Variants in CYP2A7 observed in about 807,000 individuals in gnomAD.
CYP2A7 encodes cytochrome P450 family 2 subfamily A member 7, also known as cytochrome P450 2A7.
A neutral mutation model predicts 42.0 loss-of-function variants in CYP2A7; 36 were observed. The ratio of observed to expected loss-of-function variants is 0.86; its 90% confidence interval spans 0.66 to 1.13. The LOEUF (loss-of-function observed/expected upper bound fraction) is 1.13. Among genes scored for constraint, CYP2A7 ranks in the 50% most tolerant of loss-of-function variants. CYP2A7 has a pLI of 0.00. For synonymous variants in CYP2A7, 260 were observed against 249.5 expected (o/e 1.04, Z -0.40); for missense variants, 661 against 634.1 (o/e 1.04, Z -0.46).
chr19:40,881,564 T>G, intron 2 of CYP2A7, 25 bp downstream of exon 2: 1 of 1,610,746 alleles, frequency 6.2e-7, no homozygotes, highest in Non-Finnish European at 8.5e-7. Flanking sequence ...CCTGGCCACC[T>G]TCCCCATCTT....
At chr19:40,881,830 G>A in intron 1 of CYP2A7, 79 bp from the exon 2 acceptor site, 10 of 1,573,544 alleles carry the variant, frequency 6.4e-6, no homozygotes, top group Non-Finnish European at 8.6e-6. Context: ...GTCAAGTACT[G>A]GGATCCTTCA....
chr19:40,881,985 T>A (rs373514004), intron 1 of CYP2A7, 46 bp downstream of exon 1: 54 of 1,585,528 alleles, frequency 3.4e-5, no homozygotes, highest in Non-Finnish European at 4.5e-5. Context: ...CCCAGCCAAC[T>A]AGGCAGCCCC....
chr19:40,878,662 C>T (rs1967590018), intron 5 of CYP2A7, 98 bp downstream of exon 5: 6 of 1,502,298 alleles, frequency 4.0e-6, no homozygotes, highest in Non-Finnish European at 3.6e-6. Flanking sequence ...ATGATGAGGG[C>T]TAATTTGAAC....
chr19:40,880,412 C>A (rs1323739461), intron 3 of CYP2A7, 67 bp downstream of exon 3: 4 of 1,578,320 alleles, frequency 2.5e-6, no homozygotes, highest in Non-Finnish European at 3.5e-6. Flanking sequence ...GCAGGCAGAA[C>A]GCGCGCGGGT....
At chr19:40,875,968 G>A (rs1967521304) in intron 8 of CYP2A7, 94 bp from the exon 9 acceptor site, 1 of 1,484,384 alleles carries the variant, frequency 6.7e-7, no homozygotes. Context: ...TCCCAGGGAG[G>A]AGGGGTGGAA....
At position 40,875,697 on chromosome 19, in the gene CYP2A7, C is replaced by A. The variant is rs2145143452; in HGVS notation, c.1481G>T (p.Arg494Leu). The A allele has an allele frequency of 1.9e-6, 3 of 1,610,304 alleles. No homozygotes were observed. In the East Asian group the frequency reaches 6.7e-5, roughly 36 times the overall value. Residue 494 changes from arginine to leucine, a missense_variant, in exon 9 of 9, where the codon CGC becomes CTC. Coordinates refer to ENST00000301146, the MANE Select transcript of CYP2A7 (RefSeq NM_000764.3). ...PRNYTMSFLPR is the reference protein window; with the variant it reads ...PRNYTMSFLPL The stretch of plus-strand genomic sequence containing the variant: ...CTGCACCGGCACAGCCCTCGCTCAG[C>A]GGGGCAGGAAGCTCATGGTGTAGTT...
rs776296050 is a variant in CYP2A7, at chr19:40,880,481, T to C, written c.491A>G (p.His164Arg). The change falls in exon 3 of 9, where the codon CAC (histidine) becomes CGC (arginine). Residue 164 changes from histidine to arginine, a missense_variant and splice_region_variant. Transcript: ENST00000301146. ...GFLIEAIRSTHGANIDPTFFL... is the reference protein window; with the variant it reads ...GFLIEAIRSTRGANIDPTFFL... ...CGCACTCGGGGAACCTTACTCACCGTGCGTGCTCCGGATGGCCTCGATGAG... is the reference window on the plus strand; with the variant it reads ...CGCACTCGGGGAACCTTACTCACCGCGCGTGCTCCGGATGGCCTCGATGAG... 1.9e-6 allele frequency: 3 copies of C among 1,612,400 alleles called. No homozygotes were observed. The highest frequency in any genetic ancestry group is 4.5e-5 in the East Asian group (2 of 44,868).
chr19:40,878,817 C>T lies in CYP2A7; in HGVS notation c.774G>A (p.Thr258=), dbSNP rs776851567. The change falls in exon 5 of 9, where the codon ACG becomes ACA. Residue 258 remains threonine (T), a synonymous_variant. Transcript: ENST00000301146. ...AGTCCTGTGGGGAATTGGGATCCAG[C>T]GTGCGCTGGTTGTGCTCCACCTTCT... ...IAKKVEHNQR[T]LDPNSPQDFI... The T allele has an allele frequency of 1.4e-5, 23 of 1,612,074 alleles. No individual in the cohort carries two copies. The Admixed American group carries it at 1.7e-4, about 12-fold the overall frequency.
chr19:40,880,385 C>T (rs1967628278), intron 3 of CYP2A7, 94 bp downstream of exon 3: 1 of 1,551,726 alleles, frequency 6.4e-7, no homozygotes, highest in Non-Finnish European at 8.7e-7. Flanking sequence ...GCGCCTTTCC[C>T]CACCTAGTCC....
chr19:40,875,616 G>T lies in CYP2A7; in HGVS notation c.*77C>A. ...GCATCTTCCCCCCATTCTTATACCC[G>T]CCTCTTCCGCGAACCCCGCCCTGAC... On this transcript the variant is annotated 3_prime_UTR_variant, in exon 9 of 9. Coordinates refer to ENST00000301146, the MANE Select transcript of CYP2A7 (RefSeq NM_000764.3). 1 of 1,600,082 alleles carries T rather than the reference G, an allele frequency of 6.2e-7. No individual in the cohort carries two copies. Among genetic ancestry groups the T allele is most frequent in the Non-Finnish European group, 8.5e-7 (1 of 1,171,040 alleles).
At chr19:40,878,573 G>A (rs530935643) in intron 5 of CYP2A7, among the ~76,000 whole-genome samples, 187 bp downstream of exon 5, 3 of 151,810 alleles carry the variant, frequency 2.0e-5, no homozygotes, top group Admixed American at 6.6e-5. Context: ...GACCTCAGGT[G>A]ATCCACCTGC....
Position 40,876,536 on chromosome 19 carries a change from A to C in CYP2A7, c.1294T>G (p.Phe432Val), listed in dbSNP as rs370933740. The C allele has an allele frequency of 6.2e-7, 1 of 1,612,822 alleles. No individual in the cohort carries two copies. The highest frequency in any genetic ancestry group is 1.3e-5 in the African/African-American group (1 of 74,872). ...QFKKSDAFVP[F>V]SIGKRNCFGE... Reference sequence around the variant, plus strand: ...AACAGTGGTCTCTTACCGATGGAAAAGGGCACAAAAGCATCACTCTTCTTA... The same window carrying C: ...AACAGTGGTCTCTTACCGATGGAAACGGGCACAAAAGCATCACTCTTCTTA... Residue 432 changes from phenylalanine (F) to valine (V), a missense_variant, in exon 8 of 9, where the codon TTT becomes GTT. Phe to Val is a conservative substitution (Grantham distance 50). This residue lies in a region of CYP2A7 where 614 missense variants were observed against 552.4 expected (regional missense o/e 1.11). Coordinates refer to ENST00000301146, the MANE Select transcript of CYP2A7 (RefSeq NM_000764.3).
rs1241234972 is a variant in CYP2A7, at chr19:40,876,623, T to G, written c.1207A>C (p.Ser403Arg). Residue 403 changes from serine (S) to arginine (R), a missense_variant, in exon 8 of 9, where the codon AGC becomes CGC. By Grantham distance (110) the Ser-to-Arg change is moderately radical. Transcript: ENST00000301146. ...PMLGSVLRDP[S>R]FFSNPQDFNP... Reference sequence around the variant, plus strand: ...AAGTCCTGAGGGTTGGAGAAGAAGCTGGGGTCTCTCAGCACGGAGCCCAGC... The same window carrying G: ...AAGTCCTGAGGGTTGGAGAAGAAGCGGGGGTCTCTCAGCACGGAGCCCAGC... The G allele has an allele frequency of 1.2e-6, 2 of 1,612,978 alleles. No homozygotes were observed. The highest frequency in any genetic ancestry group is 1.7e-6 in the Non-Finnish European group (2 of 1,179,262).
rs373511031 is a variant in CYP2A7 at position 40,877,267 on chromosome 19, A to G, written c.1084T>C (p.Phe362Leu). 74 of 1,612,580 alleles carry G rather than the reference A, an allele frequency of 4.6e-5. No homozygotes were observed. Among genetic ancestry groups the G allele is most frequent in the Non-Finnish European group, 6.2e-5 (73 of 1,179,144 alleles). The part of the protein sequence containing the change: ...MEAVIHEIQR[F>L]GDVIPMSLAR... ...AAACTCATGGGGATCACGTCTCCAA[A>G]TCTTTGGATCTCGTGGATCACTGCC... The change falls in exon 7 of 9, where the codon TTT becomes CTT. Residue 362 changes from phenylalanine (F) to leucine (L), a missense_variant. Coordinates refer to ENST00000301146, the MANE Select transcript of CYP2A7 (RefSeq NM_000764.3).
chr19:40,876,106 C>G (rs2453802), intron 8 of CYP2A7, among the ~76,000 whole-genome samples: 1 of 150,120 alleles, frequency 6.7e-6, no homozygotes, highest in African/African-American at 2.5e-5. Context: ...ATAGTTTACA[C>G]TAGGGTTTAC....
In CYP2A7 at chr19:40,878,799, T is replaced by C. The variant is rs771878996; in HGVS notation, c.792A>G (p.Pro264=). ...TGAGAAAGGAGTCGATGAAGTCCTG[T>C]GGGGAATTGGGATCCAGCGTGCGCT... is the stretch of plus-strand genomic sequence containing the variant. ...HNQRTLDPNS[P]QDFIDSFLIH... is the part of the protein sequence containing the mutation. Residue 264 remains proline, a synonymous_variant, in exon 5 of 9, where the codon CCA becomes CCG. Transcript: ENST00000301146. 14 of 1,611,338 alleles carry C rather than the reference T, an allele frequency of 8.7e-6. No homozygotes were observed. The highest frequency in any genetic ancestry group is 1.3e-5 in the African/African-American group (1 of 74,844).
chr19:40,880,423 T>G, intron 3 of CYP2A7, 56 bp downstream of exon 3: 1 of 1,589,232 alleles, frequency 6.3e-7, no homozygotes, highest in Non-Finnish European at 8.6e-7. Flanking sequence ...GCGCGCGGGT[T>G]CCTCGTCCTG....
chr19:40,881,126 A>G (rs1213389661), intron 2 of CYP2A7, among the ~76,000 whole-genome samples: 1 of 151,580 alleles, frequency 6.6e-6, no homozygotes, highest in Non-Finnish European at 1.5e-5. Flanking sequence ...GTCTGGAAGG[A>G]AGAGAGACTG....
Position 40,877,240 on chromosome 19 carries a change from C to T in CYP2A7, c.1111G>A (p.Ala371Thr). ...RFGDVIPMSL[A>T]RRVKKDTKFR... The stretch of plus-strand genomic sequence containing the variant: ...TTGGTGTCCTTTTTAACCCTGCGGG[C>T]CAAACTCATGGGGATCACGTCTCCA... Residue 371 changes from alanine to threonine, a missense_variant, in exon 7 of 9, where the codon GCC (alanine) becomes ACC (threonine). Transcript: ENST00000301146. 6.2e-7 allele frequency: 1 copy of T among 1,612,740 alleles called. No homozygotes were observed. The highest frequency in any genetic ancestry group is 8.5e-7 in the Non-Finnish European group (1 of 1,179,168).
Sources: gnomAD v4.1 joint callset for allele counts (sites outside exome capture counted in the v4.1 genomes callset) on GRCh38, gnomAD v4.1.1 for gene constraint, gnomAD v4.1.1 regional missense constraint, MANE v1.5 for transcripts, NCBI Gene and HGNC (gene_info 2026-07-23, HGNC 2026-07-21) for gene names.